Variants in RBMS3 observed in about 807,000 individuals in gnomAD.
RBMS3 encodes the protein RNA binding motif single stranded interacting protein 3.
In RBMS3, 27 loss-of-function variants were observed where a neutral mutation model predicts 66.8. The observed-to-expected ratio is 0.40, with a 90% CI of 0.30 to 0.56. The LOEUF (loss-of-function observed/expected upper bound fraction) is 0.56. RBMS3 is among the 20% of genes least tolerant of loss of function. The probability of loss-of-function intolerance (pLI) is 0.40; values close to 1 mark genes in which losing one functional copy is unlikely to be tolerated. For synonymous variants in RBMS3, 188 were observed against 183.0 expected (o/e 1.03, Z -0.22); for missense variants, 513 against 549.5 (o/e 0.93, Z 0.66).
chr3:29,944,807 AAAG>A (rs1695186166), intron 12 of RBMS3, among the ~76,000 whole-genome samples: 1 of 151,752 alleles, frequency 6.6e-6, no homozygotes, highest in Admixed American at 6.6e-5. Flanking sequence ...TTGGATATTG[AAAG>A]AAAAGCTGCC....
At chr3:29,985,533 A>G (rs899693144) in intron 12 of RBMS3, among the ~76,000 whole-genome samples, 3 of 152,154 alleles carry the variant, frequency 2.0e-5, no homozygotes, top group Non-Finnish European at 4.4e-5. Context: ...GAGAAAAGGC[A>G]TAGTATCTGG....
At chr3:29,717,425 C>T (rs1300047099) in intron 4 of RBMS3, among the ~76,000 whole-genome samples, 1 of 152,044 alleles carries the variant, frequency 6.6e-6, no homozygotes, top group Non-Finnish European at 1.5e-5. Context: ...GTAATGAGCA[C>T]ATTCTCCTTT....
intron 1 of RBMS3, among the ~76,000 whole-genome samples, chr3:29,312,047 C>T (rs1371672800): frequency 6.6e-6 from 1 of 151,748 alleles, no homozygotes; most frequent in Non-Finnish European, 1.5e-5. Flanking sequence ...TCCCATAGTC[C>T]ATCTGCATGG....
rs79048021 is a variant in RBMS3 at position 29,889,935 on chromosome 3, C to A, written c.791+5727C>A. 5.2e-3 allele frequency among the ~76,000 whole-genome samples: 788 copies of A among 151,650 alleles called. 5 individuals carry two copies. Among genetic ancestry groups the A allele is most frequent in the Non-Finnish European group, 8.6e-3 (579 of 67,690 alleles). The stretch of plus-strand genomic sequence containing the variant: ...TTAACCTAATTCTCCTAAAATATTA[C>A]CTCTAGTTTCACCCAAAGCAGCCAA... On this transcript the variant is annotated intron_variant, in intron 8 of 14. Transcript: ENST00000383767.
At chr3:29,607,433 C>A (rs1361704198) in intron 4 of RBMS3, among the ~76,000 whole-genome samples, 2 of 151,808 alleles carry the variant, frequency 1.3e-5, no homozygotes, top group East Asian at 1.9e-4. Context: ...GTGGAAGGGG[C>A]AAACAAGTTC....
At chr3:29,837,261 A>T (rs1007698293) in intron 6 of RBMS3, among the ~76,000 whole-genome samples, 2 of 152,076 alleles carry the variant, frequency 1.3e-5, no homozygotes, top group Non-Finnish European at 2.9e-5. Context: ...GCATAGAATA[A>T]TATTTTTAAA....
intron 6 of RBMS3, among the ~76,000 whole-genome samples, chr3:29,804,359 T>G (rs2149447524): frequency 6.6e-6 from 1 of 152,142 alleles, no homozygotes; most frequent in Admixed American, 6.6e-5. Flanking sequence ...CCCAAATAAT[T>G]TATAATTAGC....
intron 6 of RBMS3, among the ~76,000 whole-genome samples, chr3:29,801,241 G>T (rs1032641340): frequency 1.3e-5 from 2 of 150,046 alleles, no homozygotes; most frequent in African/African-American, 4.9e-5. Context: ...TATGTTACTA[G>T]TACCAAACTT....
chr3:29,525,441 G>A (rs1249174514), intron 3 of RBMS3, among the ~76,000 whole-genome samples: 4 of 152,186 alleles, frequency 2.6e-5, no homozygotes, highest in Non-Finnish European at 5.9e-5. Flanking sequence ...TTGACCGAGT[G>A]ACATCCCTTC....
intron 6 of RBMS3, among the ~76,000 whole-genome samples, chr3:29,820,915 G>T (rs189272883): frequency 6.6e-6 from 1 of 152,256 alleles, no homozygotes; most frequent in East Asian, 1.9e-4. Context: ...GCAAGATCCC[G>T]TCTCAATAAA....
At chr3:29,613,585 G>T (rs947270978) in intron 4 of RBMS3, among the ~76,000 whole-genome samples, 5 of 151,898 alleles carry the variant, frequency 3.3e-5, no homozygotes, top group East Asian at 3.9e-4. Flanking sequence ...AAAATATATG[G>T]AATATCAGCA....
In RBMS3 at chr3:29,832,612, A is replaced by G. The variant is rs76561110; in HGVS notation, c.638-36246A>G. Among the ~76,000 whole-genome samples, 1,211 of 152,322 alleles carry G rather than the reference A, an allele frequency of 8.0e-3. 18 individuals are homozygous for G. The highest frequency in any genetic ancestry group is 0.028 in the African/African-American group (1,150 of 41,564). ...CATACGTAAAAACAAGCAAGTAGTT[A>G]GTAAGTGTCCAGTTCCCCTAGCTGT... On this transcript the variant is annotated intron_variant, in intron 6 of 14. Coordinates refer to ENST00000383767, the MANE Select transcript of RBMS3 (RefSeq NM_001003793.3).
intron 1 of RBMS3, among the ~76,000 whole-genome samples, chr3:29,415,137 A>G (rs2040428645): frequency 6.6e-6 from 1 of 152,168 alleles, no homozygotes; most frequent in African/African-American, 2.4e-5. Flanking sequence ...ATGCAAATAC[A>G]TTTCTGCCCA....
intron 1 of RBMS3, among the ~76,000 whole-genome samples, chr3:29,295,836 A>G (rs966128676): frequency 1.3e-4 from 20 of 151,772 alleles, no homozygotes; most frequent in African/African-American, 3.1e-4. Context: ...ACTTATATAA[A>G]TACTAAAAAT....
intron 4 of RBMS3, among the ~76,000 whole-genome samples, chr3:29,684,779 TACACAC>T (rs10570309): frequency 0.03 from 4,375 of 145,538 alleles, 154 homozygotes; most frequent in African/African-American, 0.086. Flanking sequence ...GTTTGTTATG[TACACAC>T]ACACACACAC....
At chr3:29,810,360 C>T (rs2057695515) in intron 6 of RBMS3, among the ~76,000 whole-genome samples, 1 of 152,100 alleles carries the variant, frequency 6.6e-6, no homozygotes. Context: ...CCTTATATGT[C>T]AGTGCAGCTT....
intron 7 of RBMS3, among the ~76,000 whole-genome samples, chr3:29,883,326 A>G (rs114556639): frequency 6.6e-6 from 1 of 152,160 alleles, no homozygotes; most frequent in African/African-American, 2.4e-5. Flanking sequence ...CAAATGTGTG[A>G]CCTTGAGCAA....
At chr3:29,299,531 G>A (rs958354725) in intron 1 of RBMS3, among the ~76,000 whole-genome samples, 1 of 151,718 alleles carries the variant, frequency 6.6e-6, no homozygotes, top group African/African-American at 2.4e-5. Context: ...GCTCCACCAA[G>A]CGTGATTTCT....
chr3:29,789,761 C>T (rs1355500426), intron 6 of RBMS3, among the ~76,000 whole-genome samples: 1 of 152,072 alleles, frequency 6.6e-6, no homozygotes, highest in Non-Finnish European at 1.5e-5. Context: ...CTGCCCCCTG[C>T]ATATATGGGC....
Sources: gnomAD v4.1 joint callset for allele counts (sites outside exome capture counted in the v4.1 genomes callset) on GRCh38, gnomAD v4.1.1 for gene constraint, MANE v1.5 for transcripts, NCBI Gene and HGNC (gene_info 2026-07-23, HGNC 2026-07-21) for gene names.